Variants in ELOVL5 observed in about 807,000 individuals in gnomAD.
The protein encoded by ELOVL5 is very long chain fatty acid elongase 5.
In ELOVL5, 8 loss-of-function variants were observed where a neutral mutation model predicts 38.6. The ratio of observed to expected loss-of-function variants is 0.21; its 90% CI spans 0.12 to 0.37. ELOVL5 has a LOEUF of 0.37. ELOVL5 is among the 10% of genes least tolerant of loss of function. The pLI is 1.00. For missense variants in ELOVL5, 280 were observed against 367.8 expected, an observed-to-expected ratio of 0.76 and a Z score of 1.95; for synonymous variants, 127 against 133.7, an observed-to-expected ratio of 0.95 and a Z score of 0.34.
intron 1 of ELOVL5, among the ~76,000 whole-genome samples, chr6:53,347,903 C>T (rs2127597188): frequency 6.6e-6 from 1 of 152,306 alleles, no homozygotes; most frequent in Non-Finnish European, 1.5e-5. Flanking sequence ...GGCATTGCTC[C>T]GTCGACCCGA....
chr6:53,337,045 A>C (rs1185169001), intron 1 of ELOVL5: 2 of 152,182 alleles, frequency 1.3e-5, no homozygotes, highest in Non-Finnish European at 2.9e-5. Context: ...GGTGTCTTTG[A>C]TCTCCTCGGA....
At chr6:53,281,360 G>A (rs1766344890) in intron 3 of ELOVL5, among the ~76,000 whole-genome samples, 1 of 152,196 alleles carries the variant, frequency 6.6e-6, no homozygotes, top group African/African-American at 2.4e-5. Context: ...CCTCAACTGT[G>A]TATTTTTTAG....
intron 1 of ELOVL5, 84 bp from the exon 2 acceptor site, chr6:53,295,791 T>C (rs1418573095): frequency 4.6e-6 from 4 of 866,798 alleles, no homozygotes; most frequent in Non-Finnish European, 6.9e-6. Context: ...ATAAATTCTT[T>C]TCAAAGAATA....
intron 1 of ELOVL5, among the ~76,000 whole-genome samples, chr6:53,329,009 T>C (rs1768670250): frequency 6.6e-6 from 1 of 152,236 alleles, no homozygotes; most frequent in South Asian, 2.1e-4. Flanking sequence ...CCAGCCCACC[T>C]GGTGAAGTTC....
intron 2 of ELOVL5, among the ~76,000 whole-genome samples, chr6:53,294,833 G>A (rs1165292465): frequency 6.6e-6 from 1 of 152,102 alleles, no homozygotes; most frequent in Non-Finnish European, 1.5e-5. Context: ...AACTAATCAA[G>A]GCTAGCCACA....
chr6:53,346,323 G>C (rs550697766), intron 1 of ELOVL5, among the ~76,000 whole-genome samples: 1 of 152,272 alleles, frequency 6.6e-6, no homozygotes, highest in South Asian at 2.1e-4. Context: ...ATGGGCATTT[G>C]AGTTGGTTCC....
intron 3 of ELOVL5, among the ~76,000 whole-genome samples, chr6:53,285,928 T>G (rs1375368960): frequency 6.6e-6 from 1 of 152,156 alleles, no homozygotes; most frequent in Non-Finnish European, 1.5e-5. Context: ...TTTAGGTATG[T>G]CTACTGTTTT....
At chr6:53,310,648 C>A (rs997988102) in intron 1 of ELOVL5, among the ~76,000 whole-genome samples, 2 of 152,142 alleles carry the variant, frequency 1.3e-5, no homozygotes, top group African/African-American at 2.4e-5. Flanking sequence ...TGTTCCCAGG[C>A]TGGTCTGGTT....
intron 1 of ELOVL5, among the ~76,000 whole-genome samples, chr6:53,297,817 G>T (rs574280613): frequency 6.6e-6 from 1 of 152,124 alleles, no homozygotes; most frequent in East Asian, 1.9e-4. Context: ...TCCTAAGAAA[G>T]GCAATTTTGG....
chr6:53,291,947 T>G lies in ELOVL5; in HGVS notation c.75A>C (p.Gly25=). ...LLGPRDTRVK[G]WFLLDNYIPT... ...GTATATAATTGTCCAGAAGAAACCA[T>G]CCTTTTACTCTAGTATCTGAAAAAT... The change falls in exon 3 of 8, where the codon GGA becomes GGC. Residue 25 remains glycine, a synonymous_variant. Transcript: ENST00000304434. The G allele has an allele frequency of 6.4e-7, 1 of 1,563,168 alleles. No individual in the cohort carries two copies.
At chr6:53,300,608 G>T (rs2127577821) in intron 1 of ELOVL5, among the ~76,000 whole-genome samples, 1 of 152,318 alleles carries the variant, frequency 6.6e-6, no homozygotes, top group South Asian at 2.1e-4. Flanking sequence ...CCAAGGGAAA[G>T]GGTGGGTGTT....
chr6:53,303,226 A>C (rs1350384183), intron 1 of ELOVL5, among the ~76,000 whole-genome samples: 1 of 152,270 alleles, frequency 6.6e-6, no homozygotes, highest in Non-Finnish European at 1.5e-5. Flanking sequence ...AAATGTCGTG[A>C]AGACCATAAA....
At chr6:53,289,829 G>A (rs910623220) in intron 3 of ELOVL5, among the ~76,000 whole-genome samples, 5 of 152,158 alleles carry the variant, frequency 3.3e-5, no homozygotes, top group Admixed American at 6.5e-5. Flanking sequence ...GAGAAAACTC[G>A]GACAAAAACC....
chr6:53,269,361 A>G lies in ELOVL5; in HGVS notation c.757-91T>C, dbSNP rs201825254. Reference sequence around the variant, plus strand: ...GAATTGCATCCCTAACACTAGGCCTAGTTTCAAGATCAAATCTTATCAAGG... The same window carrying G: ...GAATTGCATCCCTAACACTAGGCCTGGTTTCAAGATCAAATCTTATCAAGG... On this transcript the variant is annotated intron_variant, in intron 7 of 7. Transcript: ENST00000304434. The G allele has an allele frequency of 5.9e-5, 59 of 997,654 alleles. 1 individual carries two copies. In the East Asian group the frequency reaches 1.6e-3, roughly 27 times the overall value. The allele number at this position is 997,654 out of a possible 1,614,324, so 61.8% of individuals were successfully genotyped here. A position where few individuals can be genotyped will look rare whatever the true frequency, so the allele number is the denominator to read the frequency against.
chr6:53,287,853 A>C lies in ELOVL5; in HGVS notation c.246+3923T>G. 2.0e-6 allele frequency: 3 copies of C among 1,535,432 alleles called. No homozygotes were observed. In the South Asian group the frequency reaches 3.6e-5, roughly 18 times the overall value. On this transcript the variant is annotated intron_variant, in intron 3 of 7. Coordinates refer to ENST00000304434, the MANE Select transcript of ELOVL5 (RefSeq NM_021814.5). ...GAATTCAAAGCCATGTGCACTGCACAACACTGACCCTGTTTTCTGGCAGCT... is the reference window on the plus strand; with the variant it reads ...GAATTCAAAGCCATGTGCACTGCACCACACTGACCCTGTTTTCTGGCAGCT...
rs531440954 is a variant in ELOVL5 at position 53,305,108 on chromosome 6, A to AC, written c.-8-9402dup. Among the ~76,000 whole-genome samples, 348 of 108,994 alleles carry AC rather than the reference A, an allele frequency of 3.2e-3. 2 individuals are homozygous for AC. The highest frequency in any genetic ancestry group is 6.7e-3 in the African/African-American group (190 of 28,274). 71.5% of individuals were successfully genotyped at this position (108,994 alleles called of 152,430 possible). ...GGGCGGCTCGCTGGGCAGGGGGCTG[A>AC]CCCCCCCACCTCCCTCCCAGACGGG... On this transcript the variant is annotated intron_variant, in intron 1 of 7. Transcript: ENST00000304434.
chr6:53,347,818 G>C (rs1203367930), intron 1 of ELOVL5, among the ~76,000 whole-genome samples: 1 of 152,104 alleles, frequency 6.6e-6, no homozygotes, highest in African/African-American at 2.4e-5. Flanking sequence ...TTGTGGATGG[G>C]GCGGGGGGAA....
At chr6:53,339,961 A>G (rs1371659771) in intron 1 of ELOVL5, among the ~76,000 whole-genome samples, 1 of 152,216 alleles carries the variant, frequency 6.6e-6, no homozygotes, top group Non-Finnish European at 1.5e-5. Context: ...CAAGATGTGG[A>G]GATGGAAGAC....
intron 1 of ELOVL5, among the ~76,000 whole-genome samples, chr6:53,343,404 G>A (rs1561897251): frequency 6.6e-6 from 1 of 151,980 alleles, no homozygotes. Flanking sequence ...GTACAGATGG[G>A]GTCTTGCCAT....
Sources: gnomAD v4.1 joint callset for allele counts (sites outside exome capture counted in the v4.1 genomes callset) on GRCh38, gnomAD v4.1.1 for gene constraint, MANE v1.5 for transcripts, NCBI Gene and HGNC (gene_info 2026-07-23, HGNC 2026-07-21) for gene names.